The following UTS2R variants were observed in gnomAD, a reference collection of about 807,000 sequenced individuals.
The protein encoded by UTS2R is urotensin 2 receptor.
For synonymous variants in UTS2R, 335 were observed against 280.9 expected (o/e 1.19, Z -1.93); for missense variants, 653 against 562.2 (o/e 1.16, Z -1.63).
In UTS2R at chr17:82,374,854, C is replaced by T. The variant is rs566856189; in HGVS notation, c.530C>T (p.Ala177Val). 4 of 1,378,644 alleles carry T rather than the reference C, an allele frequency of 2.9e-6. No individual in the cohort carries two copies. The highest frequency in any genetic ancestry group is 4.0e-6 in the Non-Finnish European group (4 of 998,048). The allele number at this position is 1,378,644 out of a possible 1,614,324, so 85.4% of individuals were successfully genotyped here. The change falls in exon 3 of 3, where the codon GCG (alanine) becomes GTG (valine). Residue 177 changes from alanine (A) to valine (V), a missense_variant. By Grantham distance (64) the Ala-to-Val change is moderately conservative. Coordinates refer to ENST00000313135, the MANE Select transcript of UTS2R (RefSeq NM_018949.3). ...KLLALGTWLL[A>V]LLLTLPVMLA... is the part of the protein sequence containing the mutation. ...CTGGCGCTGGGCACCTGGCTGCTGG[C>T]GCTGCTGCTGACGCTGCCCGTGATG...
Position 82,375,210 on chromosome 17 carries a change from G to A in UTS2R, c.886G>A (p.Val296Ile). Residue 296 changes from valine (V) to isoleucine (I), a missense_variant, in exon 3 of 3, where the codon GTC (valine) becomes ATC (isoleucine). Val to Ile is a conservative substitution (Grantham distance 29). Transcript: ENST00000313135. ...GCTGGCGCCGCGGACGGCGCGCATCGTCAACTACCTGACCACCTGCCTCAC... is the reference window on the plus strand; with the variant it reads ...GCTGGCGCCGCGGACGGCGCGCATCATCAACTACCTGACCACCTGCCTCAC... The part of the protein sequence containing the change: ...APLAPRTARI[V>I]NYLTTCLTYG... The A allele has an allele frequency of 1.3e-6, 2 of 1,572,230 alleles. No homozygotes were observed. The highest frequency in any genetic ancestry group is 2.7e-5 in the African/African-American group (2 of 73,198).
Position 82,375,322 on chromosome 17 carries a change from C to T in UTS2R, c.998C>T (p.Pro333Leu), listed in dbSNP as rs767776033. 1.9e-6 allele frequency: 3 copies of T among 1,546,152 alleles called. No individual in the cohort carries two copies. Among genetic ancestry groups the T allele is most frequent in the East Asian group, 2.5e-5 (1 of 39,746 alleles). The change falls in exon 3 of 3, where the codon CCG (proline) becomes CTG (leucine). Residue 333 changes from proline to leucine, a missense_variant. Transcript: ENST00000313135. ...RDHLRGRVRG[P>L]GSGGGRGPVP... is the part of the protein sequence containing the mutation. ...CACCTGCGCGGCCGCGTGCGGGGCC[C>T]GGGCAGCGGGGGAGGCCGGGGGCCC...
In UTS2R at chr17:82,375,405, T is replaced by TCCTGCAG. The variant is rs1169555209; in HGVS notation, c.1084_1090dup (p.Pro364LeufsTer7). On this transcript the variant is annotated frameshift_variant, in exon 3 of 3. Transcript: ENST00000313135. LOFTEE classifies it low-confidence loss of function (END_TRUNC). ...GCGCTGTTCGGGCCGCTCCCTGTCTTCCTGCAGCCCACAGCCCACTGACAG... is the reference window on the plus strand; with the variant it reads ...GCGCTGTTCGGGCCGCTCCCTGTCTTCCTGCAGCCTGCAGCCCACAGCCCACTGACAG... The TCCTGCAG allele has an allele frequency of 1.1e-5, 18 of 1,577,592 alleles. No individual in the cohort carries two copies. The highest frequency in any genetic ancestry group is 2.8e-5 in the African/African-American group (2 of 71,326).
rs1252576194 is a variant in UTS2R at position 82,371,769 on chromosome 17, T to G, written c.-547T>G. The stretch of plus-strand genomic sequence containing the variant: ...GGCCCTGGCGCGGGGCGCGGCGCAT[T>G]CCCAGCTGGCGGCGGGCAGGTGGCG... On this transcript the variant is annotated 5_prime_UTR_variant, in exon 1 of 3. In the 5' UTR this introduces an upstream ATG that the reference lacks. Transcript: ENST00000313135. The surrounding 1 kb of genome is among the most constrained non-coding windows in gnomAD (Gnocchi z 6.3). 6.6e-6 allele frequency among the ~76,000 whole-genome samples: 1 copy of G among 151,322 alleles called. No individual in the cohort carries two copies. Among genetic ancestry groups the G allele is most frequent in the Non-Finnish European group, 1.5e-5 (1 of 67,792 alleles).
Position 82,375,381 on chromosome 17 carries a change from C to T in UTS2R, c.1057C>T (p.Arg353Cys). 1 of 1,579,200 alleles carries T rather than the reference C, an allele frequency of 6.3e-7. No homozygotes were observed. Among genetic ancestry groups the T allele is most frequent in the Non-Finnish European group, 8.6e-7 (1 of 1,169,072 alleles). ...PSLQPRARFQ[R>C]CSGRSLSSCS... ...CCTGCAGCCCCGCGCCCGCTTCCAG[C>T]GCTGTTCGGGCCGCTCCCTGTCTTC... The change falls in exon 3 of 3, where the codon CGC (arginine) becomes TGC (cysteine). Residue 353 changes from arginine (R) to cysteine (C), a missense_variant. Transcript: ENST00000313135.
chr17:82,374,385 G>A lies in UTS2R; in HGVS notation c.61G>A (p.Val21Met). ...FPGLAATGSSVPEPPGGPNAT... is the reference protein window; with the variant it reads ...FPGLAATGSSMPEPPGGPNAT... The stretch of plus-strand genomic sequence containing the variant: ...TGGGCTGGCCGCCACTGGCAGCTCT[G>A]TGCCGGAGCCGCCTGGCGGCCCCAA... The change falls in exon 3 of 3, where the codon GTG becomes ATG. Residue 21 changes from valine (V) to methionine (M), a missense_variant. Coordinates refer to ENST00000313135, the MANE Select transcript of UTS2R (RefSeq NM_018949.3). The A allele has an allele frequency of 6.3e-7, 1 of 1,589,830 alleles. No individual in the cohort carries two copies.
Position 82,373,285 on chromosome 17 carries a change from C to T in UTS2R, c.-83+502C>T, listed in dbSNP as rs553336201. On this transcript the variant is annotated intron_variant, in intron 2 of 2. Transcript: ENST00000313135. ...CAAACAATTCTCCTGCCTCAGCCTC[C>T]CGAGCAGCTGGGATTACAGGCGTGT... Among the ~76,000 whole-genome samples the T allele has an allele frequency of 2.0e-4, 30 of 152,264 alleles. 1 individual carries two copies. In the East Asian group the frequency reaches 4.6e-3, roughly 23 times the overall value.
chr17:82,376,403 A>C lies in UTS2R; in HGVS notation c.*909A>C, dbSNP rs1341327609. Reference sequence around the variant, plus strand: ...CCCCCAGCCCGGCCCCGGACCCTGCATGGCCTCCCCCAGCCTGGCCTCCCC... The same window carrying C: ...CCCCCAGCCCGGCCCCGGACCCTGCCTGGCCTCCCCCAGCCTGGCCTCCCC... On this transcript the variant is annotated 3_prime_UTR_variant, in exon 3 of 3. Coordinates refer to ENST00000313135, the MANE Select transcript of UTS2R (RefSeq NM_018949.3). Among the ~76,000 whole-genome samples the C allele has an allele frequency of 8.3e-5, 8 of 96,408 alleles. No individual in the cohort carries two copies. Among genetic ancestry groups the C allele is most frequent in the Admixed American group, 5.6e-4 (5 of 8,992 alleles). 63.2% of individuals were successfully genotyped at this position (96,408 alleles called of 152,430 possible).
In UTS2R at chr17:82,375,339, CG is replaced by C. The variant is rs1236348688; in HGVS notation, c.1020del (p.Val342PhefsTer110). The C allele has an allele frequency of 8.3e-6, 13 of 1,559,606 alleles. No individual in the cohort carries two copies. The highest frequency in any genetic ancestry group is 1.8e-5 in the Admixed American group (1 of 54,108). Reference protein sequence around the residue: ...RVRGPGSGGGRGPVPSLQPRA... With the variant: ...RVRGPGSGGGXGPVPSLQPRA... Reference sequence around the variant, plus strand: ...GCGGGGCCCGGGCAGCGGGGGAGGCCGGGGGCCCGTTCCCTCCCTGCAGCCC... The same window carrying C: ...GCGGGGCCCGGGCAGCGGGGGAGGCCGGGGCCCGTTCCCTCCCTGCAGCCC... On this transcript the variant is annotated frameshift_variant, in exon 3 of 3. Transcript: ENST00000313135. LOFTEE classifies it low-confidence loss of function (END_TRUNC).
In UTS2R at chr17:82,372,585, CTT is replaced by C. The variant is rs776311691; in HGVS notation, c.-268-12_-268-11del. Among the ~76,000 whole-genome samples the C allele has an allele frequency of 6.6e-6, 1 of 152,182 alleles. No individual in the cohort carries two copies. The highest frequency in any genetic ancestry group is 1.5e-5 in the Non-Finnish European group (1 of 68,042). On this transcript the variant is annotated splice_polypyrimidine_tract_variant and intron_variant, in intron 1 of 2. Transcript: ENST00000313135. ...CGTGGAATCAGGCAGCCTCCTGTGTCTTGTTTCTTCAGCCCACCACCGCGCTG... is the reference window on the plus strand; with the variant it reads ...CGTGGAATCAGGCAGCCTCCTGTGTCGTTTCTTCAGCCCACCACCGCGCTG...
At chr17:82,373,235 C>T (rs2052462901) in intron 2 of UTS2R, among the ~76,000 whole-genome samples, 1 of 152,008 alleles carries the variant, frequency 6.6e-6, no homozygotes, top group Admixed American at 6.6e-5. Flanking sequence ...AATCTTGGCT[C>T]ACTGCAACTT....
rs1468813231 is a variant in UTS2R at position 82,371,998 on chromosome 17, G to A, written c.-318G>A. ...GAGCCGCGAGCGGCTGCCCCCACGC[G>A]CGACCCCAGGCTCGGCGGGCAGGTC... is the stretch of plus-strand genomic sequence containing the variant. On this transcript the variant is annotated 5_prime_UTR_variant, in exon 1 of 3. Transcript: ENST00000313135. This position sits in a 1 kb window ranked among gnomAD's most constrained non-coding sequence, Gnocchi z 6.3. Among the ~76,000 whole-genome samples, 1 of 151,986 alleles carries A rather than the reference G, an allele frequency of 6.6e-6. No individual in the cohort carries two copies. The highest frequency in any genetic ancestry group is 1.9e-4 in the East Asian group (1 of 5,172).
intron 1 of UTS2R, among the ~76,000 whole-genome samples, chr17:82,372,379 G>A (rs900608362): frequency 1.1e-4 from 16 of 152,320 alleles, no homozygotes; most frequent in Admixed American, 1.0e-3. Flanking sequence ...GGGCAGCAAG[G>A]GGGTGAGGGT....
intron 2 of UTS2R, among the ~76,000 whole-genome samples, chr17:82,373,013 G>T (rs2052461357): frequency 1.3e-5 from 2 of 152,214 alleles, no homozygotes; most frequent in Non-Finnish European, 2.9e-5. Flanking sequence ...GCATTTCCCT[G>T]CTTGTTGGCT....
Position 82,374,981 on chromosome 17 carries a change from C to A in UTS2R, c.657C>A (p.Ser219Arg). The A allele has an allele frequency of 8.2e-7, 1 of 1,215,788 alleles. No individual in the cohort carries two copies. The highest frequency in any genetic ancestry group is 1.2e-6 in the Non-Finnish European group (1 of 864,702). The allele number at this position is 1,215,788 out of a possible 1,614,324, so 75.3% of individuals were successfully genotyped here. The part of the protein sequence containing the change: ...RAYLTLLFAT[S>R]IAGPGLLIGL... ...ACCTGACGCTGCTCTTCGCCACCAG[C>A]ATCGCGGGGCCCGGGCTGCTCATCG... is the stretch of plus-strand genomic sequence containing the variant. The change falls in exon 3 of 3, where the codon AGC (serine) becomes AGA (arginine). Residue 219 changes from serine to arginine, a missense_variant. Coordinates refer to ENST00000313135, the MANE Select transcript of UTS2R (RefSeq NM_018949.3).
rs1361805459 is a variant in UTS2R, at chr17:82,375,345, C to T, written c.1021C>T (p.Pro341Ser). ...CCCGGGCAGCGGGGGAGGCCGGGGG[C>T]CCGTTCCCTCCCTGCAGCCCCGCGC... ...RGPGSGGGRGPVPSLQPRARF... is the reference protein window; with the variant it reads ...RGPGSGGGRGSVPSLQPRARF... The change falls in exon 3 of 3, where the codon CCC (proline) becomes TCC (serine). Residue 341 changes from proline (P) to serine (S), a missense_variant. Coordinates refer to ENST00000313135, the MANE Select transcript of UTS2R (RefSeq NM_018949.3). The T allele has an allele frequency of 6.4e-7, 1 of 1,566,958 alleles. No homozygotes were observed. Among genetic ancestry groups the T allele is most frequent in the Admixed American group, 1.8e-5 (1 of 55,322 alleles).
chr17:82,374,163 C>T (rs903898888), intron 2 of UTS2R, 80 bp from the exon 3 acceptor site: 9 of 623,616 alleles, frequency 1.4e-5, no homozygotes, highest in South Asian at 6.1e-5. Flanking sequence ...GGGGAGCCCA[C>T]GTGACTCTGT....
rs1294376929 is a variant in UTS2R at position 82,376,622 on chromosome 17, A to G, written c.*1128A>G. On this transcript the variant is annotated 3_prime_UTR_variant, in exon 3 of 3. Coordinates refer to ENST00000313135, the MANE Select transcript of UTS2R (RefSeq NM_018949.3). ...CCCCAGGGCCTCCCGGAAGAGGGGC[A>G]ATGCTTGCAGCTCCCCCCTGGAGTT... is the stretch of plus-strand genomic sequence containing the variant. Among the ~76,000 whole-genome samples, 1 of 152,224 alleles carries G rather than the reference A, an allele frequency of 6.6e-6. No homozygotes were observed. Among genetic ancestry groups the G allele is most frequent in the Admixed American group, 6.5e-5 (1 of 15,290 alleles).
chr17:82,375,272 G>C lies in UTS2R; in HGVS notation c.948G>C (p.Thr316=). ...GCTGCGCCAACCCCTTCCTCTACAC[G>C]CTGCTCACCAGGAACTACCGCGACC... ...GNSCANPFLY[T]LLTRNYRDHL... is the part of the protein sequence containing the mutation. Residue 316 remains threonine, a synonymous_variant, in exon 3 of 3, where the codon ACG becomes ACC. Transcript: ENST00000313135. 2 of 1,568,862 alleles carry C rather than the reference G, an allele frequency of 1.3e-6. No individual in the cohort carries two copies. Among genetic ancestry groups the C allele is most frequent in the South Asian group, 2.4e-5 (2 of 85,054 alleles).
Sources: allele counts gnomAD v4.1 joint callset (sites outside exome capture counted in the v4.1 genomes callset), GRCh38; gene constraint gnomAD v4.1.1; non-coding constraint Gnocchi (gnomAD v3.1); transcripts MANE v1.5; gene names NCBI Gene and HGNC (gene_info 2026-07-23, HGNC 2026-07-21).